RORB: variants seen among roughly 807,000 people sequenced by gnomAD.
RORB encodes nuclear receptor ROR-beta.
In RORB, 6 loss-of-function variants were observed where a neutral mutation model predicts 59.1. That is an observed-to-expected ratio of 0.10 (90% CI 0.06 to 0.20). RORB has a LOEUF of 0.20. Ranked by LOEUF, RORB falls within the 10% of genes least tolerant of loss-of-function variation. The pLI is 1.00. For missense variants in RORB, 320 were observed against 560.5 expected, an observed-to-expected ratio of 0.57 and a Z score of 4.33; for synonymous variants, 215 against 204.5, an observed-to-expected ratio of 1.05 and a Z score of -0.44.
At chr9:74,512,421 A>C (rs1322673828) in intron 1 of RORB, among the ~76,000 whole-genome samples, 1 of 152,208 alleles carries the variant, frequency 6.6e-6, no homozygotes, top group Non-Finnish European at 1.5e-5. Flanking sequence ...ATTGGTATTT[A>C]ATAGGGAAGA....
At chr9:74,501,166 G>T (rs529749488) in intron 1 of RORB, among the ~76,000 whole-genome samples, 2 of 152,294 alleles carry the variant, frequency 1.3e-5, no homozygotes, top group African/African-American at 4.8e-5. Context: ...GGGCACAGAT[G>T]TCGTCGCAAT....
At chr9:74,600,164 C>A (rs1823032888) in intron 1 of RORB, among the ~76,000 whole-genome samples, 1 of 152,182 alleles carries the variant, frequency 6.6e-6, no homozygotes. Context: ...TCACTTAGAG[C>A]TTAGCAATAA....
chr9:74,633,387 C>A (rs1336417830), intron 2 of RORB, among the ~76,000 whole-genome samples: 1 of 152,154 alleles, frequency 6.6e-6, no homozygotes, highest in African/African-American at 2.4e-5. Flanking sequence ...GGCTTCTCTG[C>A]AAGATAGGCA....
intron 1 of RORB, among the ~76,000 whole-genome samples, chr9:74,548,039 T>A (rs527821388): frequency 1.1e-3 from 165 of 152,294 alleles, no homozygotes; most frequent in Non-Finnish European, 1.7e-3. Context: ...TTCAATATAG[T>A]TTTTAAAGAA....
At chr9:74,544,880 A>T (rs1387496599) in intron 1 of RORB, among the ~76,000 whole-genome samples, 2 of 152,174 alleles carry the variant, frequency 1.3e-5, no homozygotes, top group African/African-American at 2.4e-5. Context: ...TTGAAAGCAG[A>T]TCTTTAGAAT....
rs114753906 is a variant in RORB, at chr9:74,633,423, C to T, written c.94-1208C>T. 9.8e-3 allele frequency among the ~76,000 whole-genome samples: 1,499 copies of T among 152,266 alleles called. 21 individuals carry two copies. Among genetic ancestry groups the T allele is most frequent in the African/African-American group, 0.034 (1,424 of 41,546 alleles). On this transcript the variant is annotated intron_variant, in intron 2 of 9. Coordinates refer to ENST00000376896, the MANE Select transcript of RORB (RefSeq NM_006914.4). ...TTGAATCTACCATTCCTGAACTTTT[C>T]TAGACTTTCTCCATCCAAAAGATGA...
At chr9:74,678,257 A>G (rs530463369) in intron 9 of RORB, among the ~76,000 whole-genome samples, 55 of 152,328 alleles carry the variant, frequency 3.6e-4, no homozygotes, top group Non-Finnish European at 6.6e-4. Flanking sequence ...CTCTTAATGT[A>G]AGGCAGCTAC....
At chr9:74,684,528 C>T (rs986188659) in intron 9 of RORB, among the ~76,000 whole-genome samples, 1 of 152,078 alleles carries the variant, frequency 6.6e-6, no homozygotes, top group African/African-American at 2.4e-5. Flanking sequence ...TCGAAATGTG[C>T]CTAAACTATA....
At chr9:74,546,733 A>G (rs1376563271) in intron 1 of RORB, among the ~76,000 whole-genome samples, 1 of 152,190 alleles carries the variant, frequency 6.6e-6, no homozygotes, top group African/African-American at 2.4e-5. Context: ...GCATGTAATC[A>G]AAACCCACCT....
chr9:74,649,465 A>T (rs1347586365), intron 4 of RORB, among the ~76,000 whole-genome samples: 1 of 152,182 alleles, frequency 6.6e-6, no homozygotes, highest in Non-Finnish European at 1.5e-5. Context: ...TAGGACCTCT[A>T]CCATGGTTAC....
chr9:74,642,837 G>A (rs1823834728), intron 4 of RORB, 22 bp downstream of exon 4: 1 of 1,539,818 alleles, frequency 6.5e-7, no homozygotes, highest in African/African-American at 1.4e-5. Flanking sequence ...TCTCCTCCCA[G>A]TGGCTTTTTT....
intron 1 of RORB, among the ~76,000 whole-genome samples, chr9:74,551,575 G>T (rs1481468841): frequency 6.6e-6 from 1 of 152,126 alleles, no homozygotes; most frequent in African/African-American, 2.4e-5. Flanking sequence ...AATGTTTTTG[G>T]ACCAAGGTTG....
intron 1 of RORB, among the ~76,000 whole-genome samples, chr9:74,599,266 T>G (rs188160762): frequency 1.3e-5 from 2 of 152,258 alleles, no homozygotes; most frequent in East Asian, 3.9e-4. Flanking sequence ...GGCTTGTTTT[T>G]CTTGTGTATA....
At chr9:74,613,825 A>G (rs945559578) in intron 1 of RORB, among the ~76,000 whole-genome samples, 1 of 152,194 alleles carries the variant, frequency 6.6e-6, no homozygotes, top group Non-Finnish European at 1.5e-5. Flanking sequence ...AGGATTAACA[A>G]ACCATTTGCT....
intron 1 of RORB, among the ~76,000 whole-genome samples, chr9:74,600,885 T>A (rs571034800): frequency 1.2e-4 from 18 of 152,158 alleles, no homozygotes; most frequent in Non-Finnish European, 2.2e-4. Flanking sequence ...AAAATTATAA[T>A]TCTGTTAGAC....
intron 9 of RORB, among the ~76,000 whole-genome samples, chr9:74,678,412 AT>A (rs1824484074): frequency 6.6e-6 from 1 of 152,234 alleles, no homozygotes; most frequent in South Asian, 2.1e-4. Context: ...TGTTTCTAGC[AT>A]AAAGATAACA....
intron 1 of RORB, among the ~76,000 whole-genome samples, chr9:74,627,934 A>G (rs139023702): frequency 4.7e-4 from 71 of 152,326 alleles, no homozygotes; most frequent in African/African-American, 1.5e-3. Context: ...CCAGTTAACA[A>G]TAATGATTGA....
Position 74,687,007 on chromosome 9 carries a change from A to T in RORB, c.*1389A>T, listed in dbSNP as rs1173302768. On this transcript the variant is annotated 3_prime_UTR_variant, in exon 10 of 10. Coordinates refer to ENST00000376896, the MANE Select transcript of RORB (RefSeq NM_006914.4). ...TTTTTAGCAACTTTTAGAAATAAAG[A>T]ATACAACTGTGACATTAGGATCAGA... is the stretch of plus-strand genomic sequence containing the variant. 3.9e-5 allele frequency: 6 copies of T among 152,126 alleles called. No homozygotes were observed. Among genetic ancestry groups the T allele is most frequent in the African/African-American group, 1.4e-4 (6 of 41,424 alleles). 9.4% of individuals were successfully genotyped at this position (152,126 alleles called of 1,614,324 possible).
Position 74,646,506 on chromosome 9 carries a change from T to C in RORB, c.637+3691T>C, listed in dbSNP as rs73547389. Among the ~76,000 whole-genome samples the C allele has an allele frequency of 6.6e-3, 1,001 of 152,262 alleles. 14 individuals are homozygous for C. Among genetic ancestry groups the C allele is most frequent in the African/African-American group, 0.023 (940 of 41,544 alleles). On this transcript the variant is annotated intron_variant, in intron 4 of 9. Coordinates refer to ENST00000376896, the MANE Select transcript of RORB (RefSeq NM_006914.4). ...ATTCCTAGGTTAAGGGCTCTAATGA[T>C]AATGTTTGATATATGGAGAAAAATG... is the stretch of plus-strand genomic sequence containing the variant.
Sources: allele counts gnomAD v4.1 joint callset (sites outside exome capture counted in the v4.1 genomes callset), GRCh38; gene constraint gnomAD v4.1.1; transcripts MANE v1.5; gene names NCBI Gene and HGNC (gene_info 2026-07-23, HGNC 2026-07-21).